The following CENPP variants were observed in gnomAD, a reference collection of about 807,000 sequenced individuals.
CENPP encodes centromere protein P.
In CENPP, 24 loss-of-function variants were observed where a neutral mutation model predicts 35.6. That is an observed-to-expected ratio of 0.67 (90% CI 0.49 to 0.95). CENPP has a LOEUF of 0.95. Ranked by LOEUF, CENPP falls within the 40% of genes least tolerant of loss-of-function variation. CENPP has a pLI of 0.00. For missense variants in CENPP, 332 were observed against 345.3 expected (o/e 0.96, Z 0.31); for synonymous variants, 120 against 125.5 (o/e 0.96, Z 0.29).
chr9:92,393,175 G>C, intron 5 of CENPP: 2 of 1,613,594 alleles, frequency 1.2e-6, no homozygotes, highest in Non-Finnish European at 1.7e-6. Flanking sequence ...GGGTGGTACA[G>C]CATCAATGTC....
chr9:92,549,653 A>AC (rs1358838305), intron 5 of CENPP, among the ~76,000 whole-genome samples: 2 of 142,228 alleles, frequency 1.4e-5, no homozygotes, highest in Non-Finnish European at 3.0e-5. Context: ...TCTCAAAAAA[A>AC]AAAAACAAAA....
At chr9:92,460,348 C>A (rs1404776795) in intron 5 of CENPP, 2 of 582,688 alleles carry the variant, frequency 3.4e-6, no homozygotes, top group Non-Finnish European at 6.0e-6. Context: ...GTGGTTCTTT[C>A]TAGTTTTCCC....
rs114077163 is a variant in CENPP at position 92,458,365 on chromosome 9, C to T, written c.564+78506C>T. Among the ~76,000 whole-genome samples, 1,278 of 152,254 alleles carry T rather than the reference C, an allele frequency of 8.4e-3. 21 individuals carry two copies. Among genetic ancestry groups the T allele is most frequent in the African/African-American group, 0.029 (1,213 of 41,558 alleles). On this transcript the variant is annotated intron_variant, in intron 5 of 7. Coordinates refer to ENST00000375587, the MANE Select transcript of CENPP (RefSeq NM_001012267.3). ...TTGCTGGCCAACGTGGGATATCCTC[C>T]CTGGCTGTTGTTACCTCTAGATTCT...
At chr9:92,434,780 C>T (rs1013980300) in intron 5 of CENPP, among the ~76,000 whole-genome samples, 2 of 152,156 alleles carry the variant, frequency 1.3e-5, no homozygotes, top group Admixed American at 6.5e-5. Context: ...GGGTGGCTCA[C>T]ACCTGTAATC....
At chr9:92,542,717 A>C (rs1849344084) in intron 5 of CENPP, among the ~76,000 whole-genome samples, 1 of 152,188 alleles carries the variant, frequency 6.6e-6, no homozygotes, top group African/African-American at 2.4e-5. Context: ...AGGTTTCAGC[A>C]TGCTGGCCAG....
chr9:92,477,129 G>A (rs928613950), intron 5 of CENPP, among the ~76,000 whole-genome samples: 1 of 152,198 alleles, frequency 6.6e-6, no homozygotes, highest in Non-Finnish European at 1.5e-5. Context: ...ATCACCAACT[G>A]TGGCTGACTA....
At chr9:92,533,430 T>TTC (rs1270300921) in intron 5 of CENPP, among the ~76,000 whole-genome samples, 1 of 147,964 alleles carries the variant, frequency 6.8e-6, no homozygotes, top group Non-Finnish European at 1.5e-5. Flanking sequence ...GTTTGTTTGT[T>TTC]TCTCTCTGTC....
intron 5 of CENPP, among the ~76,000 whole-genome samples, chr9:92,407,011 A>T (rs1165103473): frequency 6.6e-6 from 1 of 152,164 alleles, no homozygotes; most frequent in Non-Finnish European, 1.5e-5. Flanking sequence ...TTTATATAGA[A>T]AAAGGATACA....
chr9:92,561,207 G>A (rs1440945409), intron 5 of CENPP, among the ~76,000 whole-genome samples: 1 of 151,968 alleles, frequency 6.6e-6, no homozygotes, highest in Admixed American at 6.6e-5. Context: ...CTTCCATTTG[G>A]TCACCTTGGC....
In CENPP at chr9:92,493,905, A is replaced by G. The variant is rs1292911219; in HGVS notation, c.564+114046A>G. On this transcript the variant is annotated intron_variant, in intron 5 of 7. Coordinates refer to ENST00000375587, the MANE Select transcript of CENPP (RefSeq NM_001012267.3). ...GAGAAGCGACATACACAGCAAGCCC[A>G]CAGTGCGTCTGCTCCACAGGCACCG... is the stretch of plus-strand genomic sequence containing the variant. 4 of 449,724 alleles carry G rather than the reference A, an allele frequency of 8.9e-6. No individual in the cohort carries two copies. The Admixed American group carries it at 1.6e-4, about 18-fold the overall frequency. 27.9% of individuals were successfully genotyped at this position (449,724 alleles called of 1,614,324 possible).
intron 5 of CENPP, chr9:92,414,375 A>C (rs1843527039): frequency 5.0e-6 from 1 of 201,860 alleles, no homozygotes; most frequent in Admixed American, 6.0e-5. Flanking sequence ...AAAAACATTT[A>C]TCCCAGTTAA....
chr9:92,392,956 A>G (rs746556974), intron 5 of CENPP: 6 of 650,620 alleles, frequency 9.2e-6, no homozygotes, highest in East Asian at 2.8e-5. Flanking sequence ...TTTGTGAAAC[A>G]TGTTAGATAT....
chr9:92,346,372 G>T (rs1841294891), intron 4 of CENPP, among the ~76,000 whole-genome samples: 1 of 152,118 alleles, frequency 6.6e-6, no homozygotes, highest in Admixed American at 6.6e-5. Flanking sequence ...ATGAGTAGGT[G>T]TGAACTAACA....
chr9:92,460,056 C>CTTT lies in CENPP; in HGVS notation c.564+80217_564+80219dup, dbSNP rs869237016. Among the ~76,000 whole-genome samples the CTTT allele has an allele frequency of 3.4e-4, 37 of 109,528 alleles. 1 individual carries two copies. Among genetic ancestry groups the CTTT allele is most frequent in the Non-Finnish European group, 6.2e-4 (33 of 52,988 alleles). 71.9% of individuals were successfully genotyped at this position (109,528 alleles called of 152,430 possible). A position where few individuals can be genotyped will look rare whatever the true frequency, so the allele number is the denominator to read the frequency against. On this transcript the variant is annotated intron_variant, in intron 5 of 7. Coordinates refer to ENST00000375587, the MANE Select transcript of CENPP (RefSeq NM_001012267.3). ...AGCAGAGGTGGTAATAACGGTGGTTCTTTTTTTTTTTTTTTTTTTTTTAAG... is the reference window on the plus strand; with the variant it reads ...AGCAGAGGTGGTAATAACGGTGGTTCTTTTTTTTTTTTTTTTTTTTTTTTTAAG...
chr9:92,432,372 A>G (rs1844133258), intron 5 of CENPP, among the ~76,000 whole-genome samples: 1 of 152,154 alleles, frequency 6.6e-6, no homozygotes, highest in Non-Finnish European at 1.5e-5. Flanking sequence ...CTTCTCTTTA[A>G]TTGCTTTTAA....
intron 3 of CENPP, chr9:92,339,591 A>G (rs1370417335): frequency 6.6e-6 from 1 of 152,334 alleles, no homozygotes; most frequent in African/African-American, 2.4e-5. Flanking sequence ...TGCCTAGGCC[A>G]TTTGAGCAGG....
chr9:92,567,391 TATATAG>T (rs1554688296), intron 5 of CENPP, among the ~76,000 whole-genome samples: 5 of 98,378 alleles, frequency 5.1e-5, no homozygotes, highest in African/African-American at 2.7e-4. Flanking sequence ...TATATATATA[TATATAG>T]ATATATATAT....
At chr9:92,429,420 A>G (rs1446605681) in intron 5 of CENPP, among the ~76,000 whole-genome samples, 2 of 152,222 alleles carry the variant, frequency 1.3e-5, no homozygotes, top group African/African-American at 4.8e-5. Flanking sequence ...GCTAAAGTCT[A>G]CAGAACACAG....
chr9:92,550,389 C>T (rs747401117), intron 5 of CENPP, among the ~76,000 whole-genome samples: 1 of 124,390 alleles, frequency 8.0e-6, no homozygotes, highest in Non-Finnish European at 1.6e-5. Flanking sequence ...GAGTGAGACT[C>T]TGTCTCAAAA....
Sources: gnomAD v4.1 joint callset for allele counts (sites outside exome capture counted in the v4.1 genomes callset) on GRCh38, gnomAD v4.1.1 for gene constraint, MANE v1.5 for transcripts, NCBI Gene and HGNC (gene_info 2026-07-23, HGNC 2026-07-21) for gene names.